KCNJ6: variants seen among roughly 807,000 people sequenced by gnomAD.
The protein encoded by KCNJ6 is potassium inwardly rectifying channel subfamily J member 6, also known as G protein-activated inward rectifier potassium channel 2.
In KCNJ6, 9 loss-of-function variants were observed where a neutral mutation model predicts 34.2. That is an observed-to-expected ratio of 0.26 (90% CI 0.16 to 0.46). The LOEUF (loss-of-function observed/expected upper bound fraction) is 0.46. KCNJ6 is among the 20% of genes least tolerant of loss of function. The pLI is 1.00. For synonymous variants in KCNJ6, 196 were observed against 207.1 expected, an observed-to-expected ratio of 0.95 and a Z score of 0.46; for missense variants, 236 against 531.3, an observed-to-expected ratio of 0.44 and a Z score of 5.46.
intron 2 of KCNJ6, among the ~76,000 whole-genome samples, chr21:37,797,452 C>T (rs540671311): frequency 1.3e-5 from 2 of 152,158 alleles, no homozygotes; most frequent in Admixed American, 6.5e-5. Flanking sequence ...CCACAAAACC[C>T]AGTGTCTGGA....
intron 2 of KCNJ6, among the ~76,000 whole-genome samples, chr21:37,833,772 T>C (rs943444707): frequency 6.6e-6 from 1 of 152,178 alleles, no homozygotes; most frequent in Non-Finnish European, 1.5e-5. Flanking sequence ...ATTTGTATCC[T>C]AGAGAGTAGG....
chr21:37,607,482 A>ATATATATATATATATTTTTTTT lies in KCNJ6; in HGVS notation c.*17676_*17677insAAAAAAAATATATATATATATA. 1 of 136,762 alleles carries ATATATATATATATATTTTTTTT rather than the reference A, an allele frequency of 7.3e-6. No individual in the cohort carries two copies. The highest frequency in any genetic ancestry group is 2.7e-5 in the African/African-American group (1 of 36,478). The allele number at this position is 136,762 out of a possible 1,614,324, so 8.5% of individuals were successfully genotyped here. A position where few individuals can be genotyped will look rare whatever the true frequency, so the allele number is the denominator to read the frequency against. ...CTTAAAGATATATATATATATATATATTTTTTTTTTATTTTAAAAAAATTT... is the reference window on the plus strand; with the variant it reads ...CTTAAAGATATATATATATATATATATATATATATATATATTTTTTTTTTTTTTTTTTATTTTAAAAAAATTT... On this transcript the variant is annotated 3_prime_UTR_variant, in exon 4 of 4. Transcript: ENST00000609713.
At chr21:37,710,035 A>C (rs2054743061) in intron 3 of KCNJ6, among the ~76,000 whole-genome samples, 1 of 151,842 alleles carries the variant, frequency 6.6e-6, no homozygotes, top group Admixed American at 6.6e-5. Context: ...ATCTTTCAGA[A>C]GTTATCTTCT....
At chr21:37,781,127 T>G (rs1406302591) in intron 2 of KCNJ6, among the ~76,000 whole-genome samples, 1 of 152,178 alleles carries the variant, frequency 6.6e-6, no homozygotes, top group Non-Finnish European at 1.5e-5. Context: ...AACAGCAGAA[T>G]TCCCATCTCC....
At chr21:37,706,577 G>A (rs1171132709) in intron 3 of KCNJ6, among the ~76,000 whole-genome samples, 1 of 139,030 alleles carries the variant, frequency 7.2e-6, no homozygotes, top group Non-Finnish European at 1.6e-5. Context: ...CGGCTGCCAT[G>A]TAGTGCGAAT....
chr21:37,711,874 G>T (rs757917859), intron 3 of KCNJ6, among the ~76,000 whole-genome samples: 3 of 151,926 alleles, frequency 2.0e-5, no homozygotes, highest in Non-Finnish European at 4.4e-5. Context: ...CCCAGGGATG[G>T]GGTGAGCGTT....
intron 2 of KCNJ6, among the ~76,000 whole-genome samples, chr21:37,754,141 G>A (rs953160614): frequency 6.6e-6 from 1 of 152,182 alleles, no homozygotes; most frequent in Admixed American, 6.5e-5. Flanking sequence ...TTTGGCAAAT[G>A]AAACACACAT....
intron 1 of KCNJ6, among the ~76,000 whole-genome samples, chr21:37,891,680 T>C (rs1028051884): frequency 6.6e-6 from 1 of 152,168 alleles, no homozygotes; most frequent in Non-Finnish European, 1.5e-5. Flanking sequence ...TGCAAGTGTT[T>C]GAACTACCAG....
intron 2 of KCNJ6, among the ~76,000 whole-genome samples, chr21:37,717,736 C>T (rs934251923): frequency 6.6e-6 from 1 of 152,228 alleles, no homozygotes; most frequent in East Asian, 1.9e-4. Flanking sequence ...CGCTGGGAGG[C>T]TGCCCAGCTG....
intron 2 of KCNJ6, among the ~76,000 whole-genome samples, chr21:37,766,643 G>A (rs1452587573): frequency 6.6e-6 from 1 of 152,176 alleles, no homozygotes; most frequent in African/African-American, 2.4e-5. Flanking sequence ...TCCAAAGGAA[G>A]GGAATGGATG....
rs200409075 is a variant in KCNJ6 at position 37,617,221 on chromosome 21, T to A, written c.*7938A>T. On this transcript the variant is annotated 3_prime_UTR_variant, in exon 4 of 4. Transcript: ENST00000609713. Reference sequence around the variant, plus strand: ...CCTTCCTTCCTTCCTTCCTTCCTTCTTTTCTTTCTTTTTTTGAGACTGAGT... The same window carrying A: ...CCTTCCTTCCTTCCTTCCTTCCTTCATTTCTTTCTTTTTTTGAGACTGAGT... 2.0e-4 allele frequency: 20 copies of A among 98,828 alleles called. No individual in the cohort carries two copies. The highest frequency in any genetic ancestry group is 6.8e-4 in the African/African-American group (18 of 26,290). The allele number at this position is 98,828 out of a possible 1,614,324, so 6.1% of individuals were successfully genotyped here.
chr21:37,750,282 C>G (rs965979830), intron 2 of KCNJ6, among the ~76,000 whole-genome samples: 3 of 152,282 alleles, frequency 2.0e-5, no homozygotes, highest in East Asian at 1.9e-4. Flanking sequence ...CTGTTGGTGG[C>G]AGTGTAAATT....
At chr21:37,756,056 G>A (rs918568504) in intron 2 of KCNJ6, among the ~76,000 whole-genome samples, 6 of 152,222 alleles carry the variant, frequency 3.9e-5, no homozygotes, top group Admixed American at 1.3e-4. Flanking sequence ...TCTGTGGATG[G>A]ATGGACGCTG....
intron 3 of KCNJ6, among the ~76,000 whole-genome samples, chr21:37,626,617 GA>G (rs1286514897): frequency 2.6e-5 from 4 of 152,042 alleles, no homozygotes; most frequent in Non-Finnish European, 5.9e-5. Context: ...TAAGATATGA[GA>G]AATGACACGT....
chr21:37,655,211 GTGTGTGTGTGTGT>G (rs1569438819), intron 3 of KCNJ6, among the ~76,000 whole-genome samples: 11 of 58,890 alleles, frequency 1.9e-4, no homozygotes, highest in African/African-American at 4.6e-4. Flanking sequence ...GTGTGTGTGT[GTGTGTGTGTGTGT>G]GAGAGAGAGA....
At chr21:37,824,640 C>G (rs2055390131) in intron 2 of KCNJ6, among the ~76,000 whole-genome samples, 1 of 152,106 alleles carries the variant, frequency 6.6e-6, no homozygotes, top group South Asian at 2.1e-4. Context: ...ATAGTGAGCT[C>G]TCATGAGATC....
intron 2 of KCNJ6, among the ~76,000 whole-genome samples, chr21:37,785,788 T>C (rs1393060907): frequency 6.6e-6 from 1 of 152,234 alleles, no homozygotes; most frequent in East Asian, 1.9e-4. Context: ...CACAAGGTGA[T>C]GGTACTAGGA....
At chr21:37,738,406 C>T (rs1282300865) in intron 2 of KCNJ6, among the ~76,000 whole-genome samples, 1 of 152,230 alleles carries the variant, frequency 6.6e-6, no homozygotes, top group Non-Finnish European at 1.5e-5. Flanking sequence ...TTATTCTTGC[C>T]TTCTCCAGCA....
chr21:37,664,279 T>G (rs1248975456), intron 3 of KCNJ6, among the ~76,000 whole-genome samples: 1 of 151,722 alleles, frequency 6.6e-6, no homozygotes, highest in Non-Finnish European at 1.5e-5. Flanking sequence ...AACACCCACT[T>G]TAAGAAATTA....
Sources: gnomAD v4.1 joint callset for allele counts (sites outside exome capture counted in the v4.1 genomes callset) on GRCh38, gnomAD v4.1.1 for gene constraint, MANE v1.5 for transcripts, NCBI Gene and HGNC (gene_info 2026-07-23, HGNC 2026-07-21) for gene names.